The following ZNF281 variants were observed in gnomAD, a reference collection of about 807,000 sequenced individuals.
ZNF281 encodes the protein GC-box-binding zinc finger protein 1.
ZNF281 carries 2 observed loss-of-function variants against 58.8 expected under a neutral mutation model. The observed-to-expected ratio is 0.03, with a 90% CI of 0.01 to 0.11. ZNF281 has a LOEUF of 0.11. ZNF281 is among the 10% of genes least tolerant of loss of function. The pLI, the probability that ZNF281 is intolerant of heterozygous loss-of-function variation, is 1.00. For missense variants in ZNF281, 975 were observed against 1,090.7 expected (o/e 0.89, Z 1.49); for synonymous variants, 465 against 407.7 (o/e 1.14, Z -1.69).
Position 200,409,737 on chromosome 1 carries a change from G to A in ZNF281, c.-18-14C>T. The A allele has an allele frequency of 1.3e-5, 21 of 1,589,782 alleles. No individual in the cohort carries two copies. Among genetic ancestry groups the A allele is most frequent in the Non-Finnish European group, 1.7e-5 (20 of 1,171,354 alleles). ...GAGGAGGCCTGGCTGAAGAAAGGAG[G>A]AGGAAGAGGGAAGAGGGAGGAAAGG... On this transcript the variant is annotated splice_polypyrimidine_tract_variant and intron_variant, in intron 1 of 1. Coordinates refer to ENST00000367353, the MANE Select transcript of ZNF281 (RefSeq NM_001281293.2).
rs1311028531 is a variant in ZNF281, at chr1:200,407,701, A to C, written c.2005T>G (p.Ser669Ala). The change falls in exon 2 of 2, where the codon TCC (serine) becomes GCC (alanine). Residue 669 changes from serine (S) to alanine (A), a missense_variant. Around this residue, in one of 3 missense-constraint regions of ZNF281, gnomAD observed 579 missense variants for 608.9 expected, o/e 0.95. Transcript: ENST00000367353. Reference protein sequence around the residue: ...NDKASMLQEYSKYLQQAFEKS... With the variant: ...NDKASMLQEYAKYLQQAFEKS... Reference sequence around the variant, plus strand: ...TCAAAAGCCTGTTGGAGGTATTTGGAGTATTCTTGCAACATACTTGCTTTA... The same window carrying C: ...TCAAAAGCCTGTTGGAGGTATTTGGCGTATTCTTGCAACATACTTGCTTTA... 6.2e-7 allele frequency: 1 copy of C among 1,614,188 alleles called. No homozygotes were observed. Among genetic ancestry groups the C allele is most frequent in the Admixed American group, 1.7e-5 (1 of 60,028 alleles).
chr1:200,409,015 T>A lies in ZNF281; in HGVS notation c.691A>T (p.Ile231Phe), dbSNP rs1654530489. ...GCACTTGGCTTCCTCTTGGCTTTGA[T>A]TCCCTGAGATTCTGGCTTTGGCCTT... ...AKRPKPESQG[I>F]KAKRKPSASS... is the part of the protein sequence containing the mutation. Residue 231 changes from isoleucine (I) to phenylalanine (F), a missense_variant, in exon 2 of 2, where the codon ATC (isoleucine) becomes TTC (phenylalanine). By Grantham distance (21) the Ile-to-Phe change is conservative (BLOSUM62 0). Coordinates refer to ENST00000367353, the MANE Select transcript of ZNF281 (RefSeq NM_001281293.2). 1.2e-6 allele frequency: 2 copies of A among 1,614,124 alleles called. No individual in the cohort carries two copies. Among genetic ancestry groups the A allele is most frequent in the African/African-American group, 2.7e-5 (2 of 74,942 alleles).
At position 200,409,613 on chromosome 1, in the gene ZNF281, GC is replaced by G. The variant is rs1654563432; in HGVS notation, c.92del (p.Gly31AlafsTer68). 4.5e-6 allele frequency: 7 copies of G among 1,548,850 alleles called. No individual in the cohort carries two copies. The highest frequency in any genetic ancestry group is 6.1e-6 in the Non-Finnish European group (7 of 1,147,118). On this transcript the variant is annotated frameshift_variant, in exon 2 of 2. Coordinates refer to ENST00000367353, the MANE Select transcript of ZNF281 (RefSeq NM_001281293.2). LOFTEE classifies it high-confidence loss of function. ...GSGGGGSGGGGGGGSSGRRAE... is the reference protein window; with the variant it reads ...GSGGGGSGGGXGGGSSGRRAE... ...CCCTCCTGCCGCTGCTGCCGCCGCC[GC>G]CGCCGCCGCCACTACCACCGCCGCC...
chr1:200,408,399 C>A lies in ZNF281; in HGVS notation c.1307G>T (p.Ser436Ile), dbSNP rs778257139. The A allele has an allele frequency of 1.5e-5, 25 of 1,614,046 alleles. No individual in the cohort carries two copies. The highest frequency in any genetic ancestry group is 1.9e-5 in the Non-Finnish European group (23 of 1,180,026). The part of the protein sequence containing the change: ...SQISNNINMQ[S>I]YSVEMPTVSS... ...CACGGTAGGCATTTCTACTGAGTAA[C>A]TCTGCATGTTTATATTATTTGAAAT... Residue 436 changes from serine to isoleucine, a missense_variant, in exon 2 of 2, where the codon AGT becomes ATT. Coordinates refer to ENST00000367353, the MANE Select transcript of ZNF281 (RefSeq NM_001281293.2).
chr1:200,407,167 T>TGG lies in ZNF281; in HGVS notation c.2538_2539insCC (p.Met847ProfsTer2). ...CCATTAGAGTTAGTGATAAAGGTCA[T>TGG]TGGCACCCTGCTGCCCGACTTAAAC... On this transcript the variant is annotated frameshift_variant, in exon 2 of 2. Transcript: ENST00000367353. LOFTEE classifies it high-confidence loss of function. The TGG allele has an allele frequency of 6.2e-7, 1 of 1,614,222 alleles. No individual in the cohort carries two copies. Among genetic ancestry groups the TGG allele is most frequent in the Non-Finnish European group, 8.5e-7 (1 of 1,180,024 alleles).
rs1654468059 is a variant in ZNF281, at chr1:200,406,968, A to C, written c.*50T>G. On this transcript the variant is annotated 3_prime_UTR_variant, in exon 2 of 2. Transcript: ENST00000367353. ...ACATTCCAATGGCAGTGTTCTCAAA[A>C]TAAAACAAAATTACATTAGAAGACC... The C allele has an allele frequency of 2.0e-6, 3 of 1,526,960 alleles. No individual in the cohort carries two copies. The highest frequency in any genetic ancestry group is 2.6e-6 in the Non-Finnish European group (3 of 1,143,964). The allele number at this position is 1,526,960 out of a possible 1,614,324, so 94.6% of individuals were successfully genotyped here.
chr1:200,407,024 G>A lies in ZNF281; in HGVS notation c.2682C>T (p.Tyr894=), dbSNP rs1411380901. ...TRVKTPTSQS[Y]R ...CCTGGCCACTTTTGGGACCTTACCT[G>A]TAACTCTGGCTGGTGGGTGTCTTTA... The change falls in exon 2 of 2, where the codon TAC becomes TAT. Residue 894 remains tyrosine, a synonymous_variant. Coordinates refer to ENST00000367353, the MANE Select transcript of ZNF281 (RefSeq NM_001281293.2). 1 of 1,608,306 alleles carries A rather than the reference G, an allele frequency of 6.2e-7. No homozygotes were observed. The highest frequency in any genetic ancestry group is 8.5e-7 in the Non-Finnish European group (1 of 1,177,024).
Position 200,406,909 on chromosome 1 carries a change from G to A in ZNF281, c.*109C>T. 9.9e-7 allele frequency: 1 copy of A among 1,012,114 alleles called. No homozygotes were observed. The highest frequency in any genetic ancestry group is 2.5e-5 in the East Asian group (1 of 39,616). The allele number at this position is 1,012,114 out of a possible 1,614,324, so 62.7% of individuals were successfully genotyped here. On this transcript the variant is annotated 3_prime_UTR_variant, in exon 2 of 2. Coordinates refer to ENST00000367353, the MANE Select transcript of ZNF281 (RefSeq NM_001281293.2). Reference sequence around the variant, plus strand: ...TAAATATGAAAAGTTGCATTGAAAGGGCATCACATTATTCTTAATAGGATC... The same window carrying A: ...TAAATATGAAAAGTTGCATTGAAAGAGCATCACATTATTCTTAATAGGATC...
At position 200,408,656 on chromosome 1, in the gene ZNF281, G is replaced by A; in HGVS notation, c.1050C>T (p.Cys350=). The A allele has an allele frequency of 1.2e-6, 2 of 1,614,082 alleles. No homozygotes were observed. Among genetic ancestry groups the A allele is most frequent in the Non-Finnish European group, 1.7e-6 (2 of 1,180,012 alleles). ...SGEKPYKCDT[C]QQYFSRTDRL... The stretch of plus-strand genomic sequence containing the variant: ...TATCAGTCCTTGAAAAATACTGTTG[G>A]CAAGTGTCACACTTATATGGCTTTT... Residue 350 remains cysteine (C), a synonymous_variant, in exon 2 of 2, where the codon TGC becomes TGT. Coordinates refer to ENST00000367353, the MANE Select transcript of ZNF281 (RefSeq NM_001281293.2).
In ZNF281 at chr1:200,408,043, T is replaced by G; in HGVS notation, c.1663A>C (p.Ile555Leu). ...PTASSNSAFS[I>L]NVGHMVSQQS... The stretch of plus-strand genomic sequence containing the variant: ...TGGGAGACCATGTGTCCTACGTTTA[T>G]AGAAAAGGCACTGTTGCTGCTGGCA... The change falls in exon 2 of 2, where the codon ATA becomes CTA. Residue 555 changes from isoleucine to leucine, a missense_variant. Around this residue, in one of 3 missense-constraint regions of ZNF281, gnomAD observed 579 missense variants for 608.9 expected, o/e 0.95. Transcript: ENST00000367353. 6.2e-7 allele frequency: 1 copy of G among 1,614,248 alleles called. No homozygotes were observed.
Position 200,408,901 on chromosome 1 carries a change from C to T in ZNF281, c.805G>A (p.Ala269Thr). 1 of 1,614,252 alleles carries T rather than the reference C, an allele frequency of 6.2e-7. No homozygotes were observed. ...KPHICDHCSA[A>T]FRSSYHLRRH... ...CGCAGGTGATAGGAGCTTCGGAAAG[C>T]AGCACTACAGTGATCACAGATATGA... is the stretch of plus-strand genomic sequence containing the variant. Residue 269 changes from alanine (A) to threonine (T), a missense_variant, in exon 2 of 2, where the codon GCT becomes ACT. Ala to Thr is a moderately conservative substitution (Grantham distance 58, BLOSUM62 0). This residue lies in a region of ZNF281 where 370 missense variants were observed against 360.9 expected (regional missense o/e 1.03). Transcript: ENST00000367353.
chr1:200,408,911 G>C lies in ZNF281; in HGVS notation c.795C>G (p.His265Gln). 6.2e-7 allele frequency: 1 copy of C among 1,614,250 alleles called. No individual in the cohort carries two copies. The change falls in exon 2 of 2, where the codon CAC becomes CAG. Residue 265 changes from histidine (H) to glutamine (Q), a missense_variant. Physicochemically the swap from His to Gln is conservative, Grantham distance 24 (BLOSUM62 0). Around this residue, in one of 3 missense-constraint regions of ZNF281, gnomAD observed 370 missense variants for 360.9 expected, o/e 1.03. Coordinates refer to ENST00000367353, the MANE Select transcript of ZNF281 (RefSeq NM_001281293.2). ...SPSQKPHICD[H>Q]CSAAFRSSYH... is the part of the protein sequence containing the mutation. ...AGGAGCTTCGGAAAGCAGCACTACA[G>C]TGATCACAGATATGAGGTTTCTGAC...
At position 200,407,525 on chromosome 1, in the gene ZNF281, C is replaced by T; in HGVS notation, c.2181G>A (p.Val727=). Residue 727 remains valine, a synonymous_variant, in exon 2 of 2, where the codon GTG becomes GTA. Coordinates refer to ENST00000367353, the MANE Select transcript of ZNF281 (RefSeq NM_001281293.2). ...GAGGCTTTGGCAATGAAGATGGCAACACTGAGGTAACAGATTGGCCGAAAC... is the reference window on the plus strand; with the variant it reads ...GAGGCTTTGGCAATGAAGATGGCAATACTGAGGTAACAGATTGGCCGAAAC... ...ECGFGQSVTS[V]LPSSLPKPPF... 6.2e-7 allele frequency: 1 copy of T among 1,614,162 alleles called. No individual in the cohort carries two copies. The highest frequency in any genetic ancestry group is 1.1e-5 in the South Asian group (1 of 91,088).
At position 200,407,473 on chromosome 1, in the gene ZNF281, G is replaced by A. The variant is rs755790870; in HGVS notation, c.2233C>T (p.Pro745Ser). 9 of 1,614,160 alleles carry A rather than the reference G, an allele frequency of 5.6e-6. No homozygotes were observed. The East Asian group carries it at 6.7e-5, about 12-fold the overall frequency. Reference protein sequence around the residue: ...PPFGMLFGSQPGLYLSALDAT... With the variant: ...PPFGMLFGSQSGLYLSALDAT... ...TCCAAAGCAGACAAATAAAGACCTG[G>A]CTGAGATCCAAACAACATCCCAAAA... The change falls in exon 2 of 2, where the codon CCA becomes TCA. Residue 745 changes from proline to serine, a missense_variant. Physicochemically the swap from Pro to Ser is moderately conservative, Grantham distance 74. Around this residue, in one of 3 missense-constraint regions of ZNF281, gnomAD observed 579 missense variants for 608.9 expected, o/e 0.95. Coordinates refer to ENST00000367353, the MANE Select transcript of ZNF281 (RefSeq NM_001281293.2).
chr1:200,409,054 C>A lies in ZNF281; in HGVS notation c.652G>T (p.Val218Phe). ...GGCTTTGGCCTTTTTGCCTTTTTGA[C>A]ATTAGTGTCCTGCTTTGGCTCCTCA... is the stretch of plus-strand genomic sequence containing the variant. ...GTEEPKQDTN[V>F]KKAKRPKPES... The change falls in exon 2 of 2, where the codon GTC becomes TTC. Residue 218 changes from valine (V) to phenylalanine (F), a missense_variant. Physicochemically the swap from Val to Phe is conservative, Grantham distance 50 (BLOSUM62 -1). Coordinates refer to ENST00000367353, the MANE Select transcript of ZNF281 (RefSeq NM_001281293.2). The A allele has an allele frequency of 1.2e-6, 2 of 1,614,198 alleles. No homozygotes were observed. Among genetic ancestry groups the A allele is most frequent in the Non-Finnish European group, 1.7e-6 (2 of 1,180,034 alleles).
Position 200,407,727 on chromosome 1 carries a change from T to A in ZNF281, c.1979A>T (p.Asp660Val). The part of the protein sequence containing the change: ...LSPGTQTPSN[D>V]KASMLQEYSK... The stretch of plus-strand genomic sequence containing the variant: ...GTATTCTTGCAACATACTTGCTTTA[T>A]CATTTGAAGGTGTTTGGGTGCCTGG... The change falls in exon 2 of 2, where the codon GAT becomes GTT. Residue 660 changes from aspartate (D) to valine (V), a missense_variant. Physicochemically the swap from Asp to Val is radical, Grantham distance 152. This residue lies in a region of ZNF281 where 579 missense variants were observed against 608.9 expected (regional missense o/e 0.95). Coordinates refer to ENST00000367353, the MANE Select transcript of ZNF281 (RefSeq NM_001281293.2). 2 of 1,614,200 alleles carry A rather than the reference T, an allele frequency of 1.2e-6. No homozygotes were observed. Among genetic ancestry groups the A allele is most frequent in the Non-Finnish European group, 1.7e-6 (2 of 1,180,034 alleles).
Position 200,407,151 on chromosome 1 carries a change from T to C in ZNF281, c.2555A>G (p.Asn852Ser). Residue 852 changes from asparagine to serine, a missense_variant, in exon 2 of 2, where the codon AAC becomes AGC. Physicochemically the swap from Asn to Ser is conservative, Grantham distance 46 (BLOSUM62 1). Coordinates refer to ENST00000367353, the MANE Select transcript of ZNF281 (RefSeq NM_001281293.2). ...GSRVPMTFIT[N>S]SNGEVDHRVR... ...TCTATGGTCCACTTCTCCATTAGAG[T>C]TAGTGATAAAGGTCATTGGCACCCT... The C allele has an allele frequency of 6.2e-7, 1 of 1,614,108 alleles. No homozygotes were observed. Among genetic ancestry groups the C allele is most frequent in the South Asian group, 1.1e-5 (1 of 91,082 alleles).
rs1311430703 is a variant in ZNF281, at chr1:200,409,114, T to A, written c.592A>T (p.Ser198Cys). ...PAQHHRDVLL[S>C]SSSRTDDHHG... ...TGGTCATCAGTCCTGCTACTGCTGC[T>A]GAGTAATACGTCACGGTGGTGCTGG... The change falls in exon 2 of 2, where the codon AGC (serine) becomes TGC (cysteine). Residue 198 changes from serine to cysteine, a missense_variant. Ser to Cys is a moderately radical substitution (Grantham distance 112). Coordinates refer to ENST00000367353, the MANE Select transcript of ZNF281 (RefSeq NM_001281293.2). 1 of 1,614,202 alleles carries A rather than the reference T, an allele frequency of 6.2e-7. No homozygotes were observed. The highest frequency in any genetic ancestry group is 2.2e-5 in the East Asian group (1 of 44,882).
Position 200,408,600 on chromosome 1 carries a change from TCAC to T in ZNF281, c.1103_1105del (p.Gly368del). 6.2e-7 allele frequency: 1 copy of T among 1,614,228 alleles called. No individual in the cohort carries two copies. Among genetic ancestry groups the T allele is most frequent in the South Asian group, 1.1e-5 (1 of 91,086 alleles). ...ACTAGTGGCTCCTTTAACTATGACT[TCAC>T]CACATGTGCGCCTGTGCTTCAACAA... On this transcript the variant is annotated inframe_deletion, in exon 2 of 2. Coordinates refer to ENST00000367353, the MANE Select transcript of ZNF281 (RefSeq NM_001281293.2).
Sources: gnomAD v4.1 joint callset for allele counts on GRCh38, gnomAD v4.1.1 for gene constraint, gnomAD v4.1.1 regional missense constraint, MANE v1.5 for transcripts, NCBI Gene and HGNC (gene_info 2026-07-23, HGNC 2026-07-21) for gene names.